The following PKHD1L1 variants were observed in gnomAD, a reference collection of about 807,000 sequenced individuals.
PKHD1L1 encodes fibrocystin-L.
PKHD1L1 carries 434 observed loss-of-function variants against 462.9 expected under a neutral mutation model. The ratio of observed to expected loss-of-function variants is 0.94; its 90% CI spans 0.87 to 1.02. The LOEUF is 1.02. Among genes scored for constraint, PKHD1L1 ranks in the 50% least tolerant of loss-of-function variants. PKHD1L1 has a pLI of 0.00. For missense variants in PKHD1L1, 5,202 were observed against 5,096.1 expected (o/e 1.02, Z -0.63); for synonymous variants, 1,781 against 1,750.0 (o/e 1.02, Z -0.44).
rs374998323 is a variant in PKHD1L1 at position 109,454,204 on chromosome 8, C to T, written c.6702C>T (p.Leu2234=). Reference sequence around the variant, plus strand: ...TATTTGATGAAGCTGACATTGAACTCCAGGCAGAAAATATTCTAATTACAG... The same window carrying T: ...TATTTGATGAAGCTGACATTGAACTTCAGGCAGAAAATATTCTAATTACAG... ...TLIFDEADIE[L]QAENILITDG... The change falls in exon 44 of 78, where the codon CTC becomes CTT. Residue 2234 remains leucine (L), a synonymous_variant. Coordinates refer to ENST00000378402, the MANE Select transcript of PKHD1L1 (RefSeq NM_177531.6). The T allele has an allele frequency of 8.6e-5, 139 of 1,608,104 alleles. No homozygotes were observed. Among genetic ancestry groups the T allele is most frequent in the Non-Finnish European group, 1.1e-4 (134 of 1,177,112 alleles).
chr8:109,487,574 T>C (rs1215751356), intron 59 of PKHD1L1, among the ~76,000 whole-genome samples: 3 of 151,770 alleles, frequency 2.0e-5, no homozygotes, highest in African/African-American at 7.3e-5. Context: ...GCAATTTATC[T>C]ATAAAAGAAG....
intron 18 of PKHD1L1, 33 bp from the exon 19 acceptor site, chr8:109,409,832 A>T (rs1243487681): frequency 7.8e-7 from 1 of 1,279,884 alleles, no homozygotes; most frequent in Non-Finnish European, 1.1e-6. Flanking sequence ...TTTTCATGAA[A>T]AGAAGTTACT....
At chr8:109,380,973 G>C (rs1812080315) in intron 2 of PKHD1L1, among the ~76,000 whole-genome samples, 3 of 152,218 alleles carry the variant, frequency 2.0e-5, no homozygotes, top group African/African-American at 4.8e-5. Flanking sequence ...TAGGCTCTCT[G>C]TAACTTCGAG....
At position 109,362,486 on chromosome 8, in the gene PKHD1L1, C is replaced by A; in HGVS notation, c.-95C>A. The A allele has an allele frequency of 7.9e-7, 1 of 1,257,876 alleles. No homozygotes were observed. Among genetic ancestry groups the A allele is most frequent in the Non-Finnish European group, 1.1e-6 (1 of 886,702 alleles). 77.9% of individuals were successfully genotyped at this position (1,257,876 alleles called of 1,614,324 possible). The stretch of plus-strand genomic sequence containing the variant: ...GTTCCCCAGCTCTCCCGGGACGAAG[C>A]GGGCCCGCCAGCGAGTCGCAGTCCC... On this transcript the variant is annotated 5_prime_UTR_variant, in exon 1 of 78. Coordinates refer to ENST00000378402, the MANE Select transcript of PKHD1L1 (RefSeq NM_177531.6).
intron 19 of PKHD1L1, 24 bp from the exon 20 acceptor site, chr8:109,412,241 T>C (rs1458324813): frequency 6.2e-7 from 1 of 1,610,248 alleles, no homozygotes; most frequent in Admixed American, 1.7e-5. Context: ...CATGTTTTCA[T>C]TTGAAATATT....
intron 71 of PKHD1L1, 29 bp downstream of exon 71, chr8:109,510,963 C>A (rs1819944895): frequency 6.2e-7 from 1 of 1,601,480 alleles, no homozygotes; most frequent in Non-Finnish European, 8.5e-7. Flanking sequence ...AGAGTAATTG[C>A]TGTTGATTAT....
chr8:109,471,156 ATG>A lies in PKHD1L1; in HGVS notation c.8606-3958_8606-3957del, dbSNP rs1167596159. ...CATTTACCTTTGTATTCTTCATGAAATGTGTTTTGTCTTTTTTTATTACTAGT... is the reference window on the plus strand; with the variant it reads ...CATTTACCTTTGTATTCTTCATGAAATGTTTTGTCTTTTTTTATTACTAGT... On this transcript the variant is annotated intron_variant, in intron 50 of 77. Coordinates refer to ENST00000378402, the MANE Select transcript of PKHD1L1 (RefSeq NM_177531.6). 29 of 1,305,696 alleles carry A rather than the reference ATG, an allele frequency of 2.2e-5. No homozygotes were observed. In the African/African-American group the frequency reaches 3.1e-4, roughly 14 times the overall value. The allele number at this position is 1,305,696 out of a possible 1,614,324, so 80.9% of individuals were successfully genotyped here.
At chr8:109,385,252 T>C (rs1458659820) in intron 5 of PKHD1L1, among the ~76,000 whole-genome samples, 1 of 151,400 alleles carries the variant, frequency 6.6e-6, no homozygotes, top group Non-Finnish European at 1.5e-5. Flanking sequence ...CAGAGATCTT[T>C]TTTTTTTTTT....
chr8:109,405,323 T>C (rs529901398), intron 16 of PKHD1L1, among the ~76,000 whole-genome samples, 193 bp downstream of exon 16: 1 of 152,322 alleles, frequency 6.6e-6, no homozygotes, highest in East Asian at 1.9e-4. Context: ...CAAATAACTT[T>C]GTGGCATATA....
At chr8:109,412,669 AT>A (rs1222426724) in intron 20 of PKHD1L1, among the ~76,000 whole-genome samples, 2 of 152,028 alleles carry the variant, frequency 1.3e-5, no homozygotes, top group African/African-American at 2.4e-5. Flanking sequence ...TCAGAAAAAA[AT>A]ATTTGCACAC....
Position 109,518,045 on chromosome 8 carries a change from T to C in PKHD1L1, c.11690-122T>C, listed in dbSNP as rs560176928. The C allele has an allele frequency of 4.8e-5, 33 of 692,368 alleles. No individual in the cohort carries two copies. The African/African-American group carries it at 5.4e-4, about 11-fold the overall frequency. 42.9% of individuals were successfully genotyped at this position (692,368 alleles called of 1,614,324 possible). A position where few individuals can be genotyped will look rare whatever the true frequency, so the allele number is the denominator to read the frequency against. ...GTTTTTAAAAAGGTATGCTTTCTTATGAAAGAATGATAAAGTTGAATTTGG... is the reference window on the plus strand; with the variant it reads ...GTTTTTAAAAAGGTATGCTTTCTTACGAAAGAATGATAAAGTTGAATTTGG... On this transcript the variant is annotated intron_variant, in intron 72 of 77. Coordinates refer to ENST00000378402, the MANE Select transcript of PKHD1L1 (RefSeq NM_177531.6).
At chr8:109,495,997 G>C (rs117322760) in intron 63 of PKHD1L1, among the ~76,000 whole-genome samples, 1 of 152,108 alleles carries the variant, frequency 6.6e-6, no homozygotes, top group Non-Finnish European at 1.5e-5. Context: ...CTGTATGTGG[G>C]TTATTTCCTT....
chr8:109,428,970 A>T (rs1814927793), intron 25 of PKHD1L1, among the ~76,000 whole-genome samples: 1 of 152,226 alleles, frequency 6.6e-6, no homozygotes, highest in African/African-American at 2.4e-5. Flanking sequence ...TTTTTCAATT[A>T]TTTAAGAATA....
chr8:109,459,934 G>A (rs1817028510), intron 47 of PKHD1L1, 98 bp downstream of exon 47: 1 of 984,958 alleles, frequency 1.0e-6, no homozygotes. Context: ...GTATTTCATT[G>A]TAAATATCAT....
Position 109,405,007 on chromosome 8 carries a change from G to T in PKHD1L1, c.1546G>T (p.Glu516Ter). 6.7e-7 allele frequency: 1 copy of T among 1,502,016 alleles called. No homozygotes were observed. The highest frequency in any genetic ancestry group is 8.9e-7 in the Non-Finnish European group (1 of 1,119,068). 93.0% of individuals were successfully genotyped at this position (1,502,016 alleles called of 1,614,324 possible). A position where few individuals can be genotyped will look rare whatever the true frequency, so the allele number is the denominator to read the frequency against. Reference sequence around the variant, plus strand: ...AATTGGAAAATAGGTTATAACATTGGAAAACTGGGAAACAACTAATGCAAT... The same window carrying T: ...AATTGGAAAATAGGTTATAACATTGTAAAACTGGGAAACAACTAATGCAAT... ...ILQEVQVITL[E>*]NWETTNAINE... Residue 516 changes from glutamate to a stop codon, truncating the protein, a stop_gained, in exon 16 of 78, where the codon GAA becomes TAA. Transcript: ENST00000378402. LOFTEE classifies it high-confidence loss of function.
intron 21 of PKHD1L1, among the ~76,000 whole-genome samples, chr8:109,415,906 TAG>T (rs1814144518): frequency 6.9e-6 from 1 of 144,424 alleles, no homozygotes; most frequent in Admixed American, 7.1e-5. Context: ...TGTGTGTGTG[TAG>T]GAAATCATAG....
In PKHD1L1 at chr8:109,481,556, G is replaced by C. The variant is rs1586598998; in HGVS notation, c.9451G>C (p.Val3151Leu). Residue 3151 changes from valine to leucine, a missense_variant, in exon 56 of 78, where the codon GTC becomes CTC. By Grantham distance (32) the Val-to-Leu change is conservative. This residue lies in a region of PKHD1L1 where 4,497 missense variants were observed against 4,336.8 expected (regional missense o/e 1.04). Transcript: ENST00000378402. ...AGAAGGACCAAATCAAGGGGCAAAG[G>C]TCTTAGGTGTGTGTCTACAGATACC... is the stretch of plus-strand genomic sequence containing the variant. ...LPEGPNQGAK[V>L]LGVFGELDLH... 10 of 1,584,612 alleles carry C rather than the reference G, an allele frequency of 6.3e-6. No homozygotes were observed. In the East Asian group the frequency reaches 2.3e-4, roughly 36 times the overall value.
At chr8:109,496,137 T>A (rs1223282283) in intron 63 of PKHD1L1, among the ~76,000 whole-genome samples, 2 of 152,192 alleles carry the variant, frequency 1.3e-5, no homozygotes, top group Non-Finnish European at 2.9e-5. Context: ...AGACCACCTA[T>A]CTCTGTACTA....
At chr8:109,433,041 G>T in intron 27 of PKHD1L1, 65 bp from the exon 28 acceptor site, 3 of 1,159,852 alleles carry the variant, frequency 2.6e-6, no homozygotes, top group Non-Finnish European at 3.8e-6. Flanking sequence ...AGAAATGTCT[G>T]ATTTCATAAC....
Sources: allele counts gnomAD v4.1 joint callset (sites outside exome capture counted in the v4.1 genomes callset), GRCh38; gene constraint gnomAD v4.1.1; regional missense constraint gnomAD v4.1.1; transcripts MANE v1.5; gene names NCBI Gene and HGNC (gene_info 2026-07-23, HGNC 2026-07-21).